Variants in FOXP2 observed in about 807,000 individuals in gnomAD.
FOXP2 encodes the protein forkhead box P2, also known as forkhead box protein P2.
In FOXP2, 12 loss-of-function variants were observed where a neutral mutation model predicts 115.8. That is an observed-to-expected ratio of 0.10 (90% CI 0.07 to 0.17). The LOEUF is 0.17. Ranked by LOEUF, FOXP2 falls within the 10% of genes least tolerant of loss-of-function variation. The pLI is 1.00. For missense variants in FOXP2, 629 were observed against 843.5 expected (o/e 0.75, Z 3.15); for synonymous variants, 328 against 297.7 (o/e 1.10, Z -1.05).
intron 8 of FOXP2, chr7:114,645,173 T>G (rs1489852018): frequency 3.1e-5 from 4 of 127,614 alleles, no homozygotes; most frequent in Non-Finnish European, 6.6e-5. Flanking sequence ...TATATATATA[T>G]ATATATTTCA....
intron 3 of FOXP2, among the ~76,000 whole-genome samples, chr7:114,572,228 T>G (rs143804204): frequency 3.3e-5 from 5 of 150,522 alleles, no homozygotes; most frequent in Admixed American, 1.3e-4. Context: ...TCCTATTCTA[T>G]AGAAATGGTA....
At chr7:114,545,912 T>C (rs1428511279) in intron 3 of FOXP2, among the ~76,000 whole-genome samples, 4 of 152,332 alleles carry the variant, frequency 2.6e-5, no homozygotes, top group Middle Eastern at 6.8e-3. Flanking sequence ...AATTAATTAT[T>C]CCCTTCCATA....
chr7:114,432,450 AC>A (rs1316702604), intron 2 of FOXP2, among the ~76,000 whole-genome samples: 1 of 152,024 alleles, frequency 6.6e-6, no homozygotes, highest in Admixed American at 6.6e-5. Flanking sequence ...TGACCTCATT[AC>A]TTTTATGGTA....
chr7:114,192,206 C>CT (rs1309967240), intron 1 of FOXP2, among the ~76,000 whole-genome samples: 5 of 128,162 alleles, frequency 3.9e-5, no homozygotes, highest in Non-Finnish European at 5.3e-5. Flanking sequence ...AGGATGGTCT[C>CT]TATCTCTTGA....
chr7:114,256,939 C>T (rs1795629186), intron 1 of FOXP2, among the ~76,000 whole-genome samples: 1 of 152,138 alleles, frequency 6.6e-6, no homozygotes, highest in Non-Finnish European at 1.5e-5. Context: ...GAATTAGAAA[C>T]ATCTATGTTA....
chr7:114,458,786 C>T (rs1027764959), intron 2 of FOXP2, among the ~76,000 whole-genome samples: 2 of 152,104 alleles, frequency 1.3e-5, no homozygotes, highest in Non-Finnish European at 2.9e-5. Context: ...TTCCAAATTG[C>T]TTGACTCTTC....
chr7:114,456,510 T>C (rs1338005077), intron 2 of FOXP2, among the ~76,000 whole-genome samples: 3 of 152,204 alleles, frequency 2.0e-5, no homozygotes, highest in African/African-American at 7.2e-5. Flanking sequence ...CCCCAAGAAT[T>C]ATGAGATTAA....
At chr7:114,506,360 C>T (rs1797818187) in intron 2 of FOXP2, among the ~76,000 whole-genome samples, 1 of 151,466 alleles carries the variant, frequency 6.6e-6, no homozygotes, top group Non-Finnish European at 1.5e-5. Flanking sequence ...TCCAAAATGT[C>T]TTCATATTTT....
Position 114,304,584 on chromosome 7 carries a change from T to A in FOXP2, c.-11+16475T>A, listed in dbSNP as rs1049097282. ...ACTCAGGAGGCTGAAACATGAGAAT[T>A]GCTTGAACCTAGGATATGGAGGTTG... On this transcript the variant is annotated intron_variant, in intron 2 of 17. Transcript: ENST00000634411. Among the ~76,000 whole-genome samples, 6 of 145,964 alleles carry A rather than the reference T, an allele frequency of 4.1e-5. No individual in the cohort carries two copies. In the East Asian group the frequency reaches 1.0e-3, roughly 25 times the overall value.
At chr7:114,614,511 T>A (rs1397516298) in intron 3 of FOXP2, among the ~76,000 whole-genome samples, 4 of 152,216 alleles carry the variant, frequency 2.6e-5, no homozygotes, top group South Asian at 4.1e-4. Context: ...TTTAACATAG[T>A]TAAATTATTG....
At chr7:114,510,620 G>A (rs1798022420) in intron 2 of FOXP2, among the ~76,000 whole-genome samples, 2 of 152,102 alleles carry the variant, frequency 1.3e-5, no homozygotes, top group African/African-American at 2.4e-5. Flanking sequence ...ATAGAATAAA[G>A]GGCACTTTAA....
At chr7:114,328,704 T>G (rs892459603) in intron 2 of FOXP2, among the ~76,000 whole-genome samples, 20 of 152,240 alleles carry the variant, frequency 1.3e-4, no homozygotes, top group African/African-American at 4.8e-4. Flanking sequence ...TCATGTCTTA[T>G]ATTCTATTAC....
chr7:114,270,013 A>G lies in FOXP2; in HGVS notation c.-101-18006A>G, dbSNP rs927800715. On this transcript the variant is annotated intron_variant, in intron 1 of 17. Coordinates refer to the FOXP2 transcript ENST00000634411. Reference sequence around the variant, plus strand: ...GAAATTCTCGGCCTCAGGATAATGAATACTCTGTGCTCAACTTTTAGAAAA... The same window carrying G: ...GAAATTCTCGGCCTCAGGATAATGAGTACTCTGTGCTCAACTTTTAGAAAA... Among the ~76,000 whole-genome samples the G allele has an allele frequency of 3.3e-5, 5 of 152,178 alleles. No individual in the cohort carries two copies. The South Asian group carries it at 8.3e-4, about 25-fold the overall frequency.
In FOXP2 at chr7:114,659,446, A is replaced by T. The variant is rs1190645169; in HGVS notation, c.1545+14A>T. ...CTCATAAGGCAGGTAAGTAGAAGGA[A>T]AATTAACTTTGCCTGATTAAATTAA... On this transcript the variant is annotated intron_variant, in intron 12 of 16. Coordinates refer to ENST00000350908, the MANE Select transcript of FOXP2 (RefSeq NM_014491.4). The T allele has an allele frequency of 1.2e-6, 2 of 1,608,946 alleles. No individual in the cohort carries two copies. The highest frequency in any genetic ancestry group is 2.2e-5 in the South Asian group (2 of 90,994).
chr7:114,692,348 A>T lies in FOXP2; in HGVS notation c.*2422A>T. ...TTTGCATGGGTTTTATATGAATACA[A>T]TTTTAAAAAATAGCTGCTTGCACAT... On this transcript the variant is annotated 3_prime_UTR_variant, in exon 17 of 17. Transcript: ENST00000350908. The T allele has an allele frequency of 2.2e-6, 1 of 453,948 alleles. No homozygotes were observed. The highest frequency in any genetic ancestry group is 1.6e-5 in the South Asian group (1 of 64,464). 28.1% of individuals were successfully genotyped at this position (453,948 alleles called of 1,614,324 possible).
At chr7:114,113,083 G>C (rs1791313844) in intron 1 of FOXP2, among the ~76,000 whole-genome samples, 1 of 152,152 alleles carries the variant, frequency 6.6e-6, no homozygotes, top group Non-Finnish European at 1.5e-5. Context: ...AGAGATTGCT[G>C]TAAGAACAAG....
chr7:114,396,076 C>A (rs973771760), intron 2 of FOXP2, among the ~76,000 whole-genome samples: 22 of 151,934 alleles, frequency 1.4e-4, no homozygotes, highest in Non-Finnish European at 2.9e-4. Context: ...GCTTTAGTCA[C>A]CCTATTGTGC....
chr7:114,419,747 C>CACACACACACACACACACA (rs71314645), intron 1 of FOXP2: 3 of 151,336 alleles, frequency 2.0e-5, no homozygotes, highest in African/African-American at 7.4e-5. Context: ...CACACACACA[C>CACACACACACACACACACA]CCCAGAAAGG....
At chr7:114,462,041 G>T (rs988540059) in intron 2 of FOXP2, among the ~76,000 whole-genome samples, 1 of 151,850 alleles carries the variant, frequency 6.6e-6, no homozygotes, top group Non-Finnish European at 1.5e-5. Flanking sequence ...AGCATTTTGC[G>T]AGGCCGAGGC....
Sources: allele counts gnomAD v4.1 joint callset (sites outside exome capture counted in the v4.1 genomes callset), GRCh38; gene constraint gnomAD v4.1.1; transcripts MANE v1.5; gene names NCBI Gene and HGNC (gene_info 2026-07-23, HGNC 2026-07-21).